KPNB1: variants seen among roughly 807,000 people sequenced by gnomAD.
The protein encoded by KPNB1 is karyopherin subunit beta 1, also known as importin subunit beta-1.
KPNB1 carries 7 observed loss-of-function variants against 113.0 expected under a neutral mutation model. That is an observed-to-expected ratio of 0.06 (90% CI 0.04 to 0.12). The LOEUF (loss-of-function observed/expected upper bound fraction) is 0.12. Ranked by LOEUF, KPNB1 falls within the 10% of genes least tolerant of loss-of-function variation. KPNB1 has a pLI of 1.00. For synonymous variants in KPNB1, 363 were observed against 378.6 expected, an observed-to-expected ratio of 0.96 and a Z score of 0.48; for missense variants, 400 against 1,054.8, an observed-to-expected ratio of 0.38 and a Z score of 8.60.
chr17:47,650,991 T>C (rs2143076389), intron 2 of KPNB1, among the ~76,000 whole-genome samples: 1 of 152,288 alleles, frequency 6.6e-6, no homozygotes, highest in South Asian at 2.1e-4. Flanking sequence ...TTTCCACTGA[T>C]ATTTTTCCCT....
chr17:47,676,278 A>C, intron 15 of KPNB1, 131 bp from the exon 16 acceptor site: 2 of 678,794 alleles, frequency 2.9e-6, no homozygotes, highest in South Asian at 3.4e-5. Context: ...TGGAATCGGT[A>C]ACTAAAGCAC....
At chr17:47,675,751 C>T (rs190178744) in intron 15 of KPNB1, among the ~76,000 whole-genome samples, 35 of 152,200 alleles carry the variant, frequency 2.3e-4, no homozygotes, top group African/African-American at 7.9e-4. Flanking sequence ...AGGGGCATTA[C>T]GAAGCACTTT....
At chr17:47,682,331 A>G in intron 21 of KPNB1, 73 bp from the exon 22 acceptor site, 1 of 776,976 alleles carries the variant, frequency 1.3e-6, no homozygotes, top group Admixed American at 1.7e-5. Flanking sequence ...ATGTAATTGT[A>G]GGAGTCAGCA....
At chr17:47,672,017 CT>C (rs11316050) in intron 12 of KPNB1, among the ~76,000 whole-genome samples, 68,928 of 145,280 alleles carry the variant, frequency 0.47, 16,076 homozygotes, top group East Asian at 0.65. Context: ...CAAAATCTTC[CT>C]TTTTTTTTTT....
At chr17:47,652,524 A>G (rs1487789799) in intron 2 of KPNB1, among the ~76,000 whole-genome samples, 170 bp from the exon 3 acceptor site, 1 of 152,188 alleles carries the variant, frequency 6.6e-6, no homozygotes, top group Non-Finnish European at 1.5e-5. Flanking sequence ...TTTTTATAGA[A>G]GTCAGTGAAG....
chr17:47,659,366 A>G (rs2030019257), intron 5 of KPNB1, among the ~76,000 whole-genome samples: 1 of 152,136 alleles, frequency 6.6e-6, no homozygotes, highest in South Asian at 2.1e-4. Context: ...AAAAAATAAA[A>G]AAAATAAAAG....
chr17:47,677,992 C>T, intron 17 of KPNB1, 54 bp from the exon 18 acceptor site: 1 of 1,554,348 alleles, frequency 6.4e-7, no homozygotes. Context: ...TTTCATGAAT[C>T]TTTGGACCAA....
chr17:47,673,842 C>G, intron 14 of KPNB1: 1 of 375,308 alleles, frequency 2.7e-6, no homozygotes, highest in Non-Finnish European at 4.9e-6. Context: ...TCAACATACA[C>G]TCCTCAGACC....
At chr17:47,661,802 CAAAT>C (rs2030105496) in intron 6 of KPNB1, among the ~76,000 whole-genome samples, 1 of 152,030 alleles carries the variant, frequency 6.6e-6, no homozygotes, top group African/African-American at 2.4e-5. Context: ...TATGTATACA[CAAAT>C]AAACAGTTAA....
intron 20 of KPNB1, 81 bp from the exon 21 acceptor site, chr17:47,680,427 A>G (rs1339585202): frequency 6.7e-7 from 1 of 1,481,838 alleles, no homozygotes; most frequent in South Asian, 1.2e-5. Context: ...TAAGAAACCC[A>G]TAGCACTGGT....
intron 3 of KPNB1, among the ~76,000 whole-genome samples, chr17:47,654,392 T>G (rs1915661935): frequency 7.0e-6 from 1 of 142,124 alleles, no homozygotes; most frequent in Non-Finnish European, 1.5e-5. Context: ...CCAGCCTGGG[T>G]GACAGAGTGA....
chr17:47,663,232 A>G (rs1407281052), intron 7 of KPNB1, 54 bp downstream of exon 7: 5 of 914,166 alleles, frequency 5.5e-6, no homozygotes, highest in Non-Finnish European at 9.1e-6. Context: ...AGAGCCCATC[A>G]TCCTTAGTCG....
intron 5 of KPNB1, 97 bp from the exon 6 acceptor site, chr17:47,661,022 G>A (rs1354280928): frequency 1.4e-5 from 13 of 897,082 alleles, no homozygotes; most frequent in East Asian, 7.7e-5. Flanking sequence ...GGGGCCCTGA[G>A]GGGGAGTGAG....
chr17:47,678,844 T>C (rs1434039948), intron 19 of KPNB1, among the ~76,000 whole-genome samples: 1 of 152,188 alleles, frequency 6.6e-6, no homozygotes, highest in African/African-American at 2.4e-5. Context: ...CTGATCTCAA[T>C]TGATCCACCC....
At position 47,684,349 on chromosome 17, in the gene KPNB1, A is replaced by G. The variant is rs1301973396; in HGVS notation, c.*1945A>G. 7.6e-6 allele frequency: 1 copy of G among 132,298 alleles called. No individual in the cohort carries two copies. Among genetic ancestry groups the G allele is most frequent in the African/African-American group, 3.0e-5 (1 of 33,620 alleles). 8.2% of individuals were successfully genotyped at this position (132,298 alleles called of 1,614,324 possible). A position where few individuals can be genotyped will look rare whatever the true frequency, so the allele number is the denominator to read the frequency against. On this transcript the variant is annotated 3_prime_UTR_variant, in exon 22 of 22. Transcript: ENST00000290158. ...AGTGCCGATCTATGAACCAGTGTAC[A>G]AAAAAAAAAAAATCCAGGTATTTGA... is the stretch of plus-strand genomic sequence containing the variant.
chr17:47,657,197 T>G (rs954304035), intron 4 of KPNB1, 137 bp downstream of exon 4: 8 of 731,388 alleles, frequency 1.1e-5, no homozygotes, highest in Non-Finnish European at 1.6e-5. Context: ...GAGACTGATT[T>G]ATTTCCCTTA....
chr17:47,672,812 A>C (rs536975495), intron 12 of KPNB1, among the ~76,000 whole-genome samples: 2 of 152,332 alleles, frequency 1.3e-5, no homozygotes, highest in African/African-American at 4.8e-5. Flanking sequence ...GGGCCATTCT[A>C]AATTTTAACT....
chr17:47,659,077 T>C (rs2030005800), intron 5 of KPNB1, among the ~76,000 whole-genome samples: 1 of 152,070 alleles, frequency 6.6e-6, no homozygotes, highest in South Asian at 2.1e-4. Context: ...GGCTGGGCGA[T>C]GTGGCTTAAG....
chr17:47,680,707 C>T (rs2030744751), intron 21 of KPNB1, 38 bp downstream of exon 21: 1 of 1,588,962 alleles, frequency 6.3e-7, no homozygotes, highest in Admixed American at 1.8e-5. Context: ...TCTTCTACTT[C>T]CTGGAGGAGG....
Sources: gnomAD v4.1 joint callset for allele counts (sites outside exome capture counted in the v4.1 genomes callset) on GRCh38, gnomAD v4.1.1 for gene constraint, MANE v1.5 for transcripts, NCBI Gene and HGNC (gene_info 2026-07-23, HGNC 2026-07-21) for gene names.